Variants in SYCP3 observed in about 807,000 individuals in gnomAD.
SYCP3 encodes synaptonemal complex protein 3.
A neutral mutation model predicts 38.5 loss-of-function variants in SYCP3; 29 were observed. The observed-to-expected ratio is 0.75, with a 90% CI of 0.56 to 1.03. The LOEUF is 1.03. SYCP3 is among the 50% of genes least tolerant of loss of function. The pLI is 0.00. For missense variants in SYCP3, 242 were observed against 270.7 expected (o/e 0.89, Z 0.74); for synonymous variants, 79 against 80.3 (o/e 0.98, Z 0.08).
intron 1 of SYCP3, among the ~76,000 whole-genome samples, chr12:101,738,898 G>A (rs1264048623): frequency 6.6e-6 from 1 of 152,234 alleles, no homozygotes; most frequent in Non-Finnish European, 1.5e-5. Flanking sequence ...AGTCACGCGG[G>A]GAAATTATAG....
At position 101,729,213 on chromosome 12, in the gene SYCP3, T is replaced by A; in HGVS notation, c.553A>T (p.Ser185Cys). 1 of 1,612,566 alleles carries A rather than the reference T, an allele frequency of 6.2e-7. No homozygotes were observed. The highest frequency in any genetic ancestry group is 8.5e-7 in the Non-Finnish European group (1 of 1,179,286). ...TGATTCTTCTCCAACTCTTCCATAC[T>A]CTAAAAACACAAAAGACAAGTTAAG... ...IKQLYEQFIKSMEELEKNHDN... is the reference protein window; with the variant it reads ...IKQLYEQFIKCMEELEKNHDN... The change falls in exon 8 of 9, where the codon AGT (serine) becomes TGT (cysteine). Residue 185 changes from serine (S) to cysteine (C), a missense_variant and splice_region_variant. By Grantham distance (112) the Ser-to-Cys change is moderately radical (BLOSUM62 -1). Transcript: ENST00000392924.
Position 101,734,949 on chromosome 12 carries a change from A to G in SYCP3, c.331T>C (p.Trp111Arg). The G allele has an allele frequency of 6.2e-7, 1 of 1,612,132 alleles. No individual in the cohort carries two copies. The highest frequency in any genetic ancestry group is 8.5e-7 in the Non-Finnish European group (1 of 1,178,316). ...KTSNQKIEHV[W>R]KTQQDQRQKL... Reference sequence around the variant, plus strand: ...TACCTTTGATCTTGTTGTGTTTTCCAAACATGTTCAATTTTCTGGTTACTA... The same window carrying G: ...TACCTTTGATCTTGTTGTGTTTTCCGAACATGTTCAATTTTCTGGTTACTA... Residue 111 changes from tryptophan (W) to arginine (R), a missense_variant, in exon 5 of 9, where the codon TGG (tryptophan) becomes CGG (arginine). Trp to Arg is a moderately radical substitution (Grantham distance 101). Coordinates refer to ENST00000392924, the MANE Select transcript of SYCP3 (RefSeq NM_001177949.2).
chr12:101,732,283 C>G (rs1243107686), intron 6 of SYCP3: 1 of 152,328 alleles, frequency 6.6e-6, no homozygotes, highest in Non-Finnish European at 1.5e-5. Flanking sequence ...CTTTACCATT[C>G]TAACTTACTC....
At chr12:101,731,487 A>G in intron 7 of SYCP3, 81 bp downstream of exon 7, 1 of 985,586 alleles carries the variant, frequency 1.0e-6, no homozygotes, top group Non-Finnish European at 1.4e-6. Context: ...TTTTTCCCAT[A>G]AACTTAGAAA....
At chr12:101,729,435 T>G in intron 7 of SYCP3, 1 of 481,324 alleles carries the variant, frequency 2.1e-6, no homozygotes. Flanking sequence ...TGTAGTATAC[T>G]TTGCCCACAA....
At chr12:101,729,279 C>T (rs757783481) in intron 7 of SYCP3, 66 bp from the exon 8 acceptor site, 26 of 1,457,910 alleles carry the variant, frequency 1.8e-5, no homozygotes, top group Non-Finnish European at 2.2e-5. Context: ...TAAACTTGTA[C>T]AATTAATTTT....
chr12:101,734,818 G>A (rs1566054471), intron 5 of SYCP3, 109 bp downstream of exon 5: 5 of 781,872 alleles, frequency 6.4e-6, no homozygotes, highest in Non-Finnish European at 1.1e-5. Context: ...AAAGTGCTGG[G>A]ATTACTGGCA....
Position 101,733,677 on chromosome 12 carries a change from G to GT in SYCP3, c.354-4dup, listed in dbSNP as rs1952276238. On this transcript the variant is annotated splice_polypyrimidine_tract_variant and splice_region_variant and intron_variant, in intron 5 of 8. Transcript: ENST00000392924. Reference sequence around the variant, plus strand: ...AATATTCTTGGTTAAGCTTCTGCCTGTAAAACATAATGATGAATTATTGTC... The same window carrying GT: ...AATATTCTTGGTTAAGCTTCTGCCTGTTAAAACATAATGATGAATTATTGTC... The GT allele has an allele frequency of 6.2e-7, 1 of 1,608,302 alleles. No homozygotes were observed. Among genetic ancestry groups the GT allele is most frequent in the Non-Finnish European group, 8.5e-7 (1 of 1,179,064 alleles).
At chr12:101,730,647 C>T in intron 7 of SYCP3, 1 of 296,218 alleles carries the variant, frequency 3.4e-6, no homozygotes, top group Non-Finnish European at 6.6e-6. Context: ...GTGAGTGCCA[C>T]CATGCCCAGC....
Position 101,735,012 on chromosome 12 carries a change from T to C in SYCP3, c.268A>G (p.Lys90Glu), listed in dbSNP as rs866554622. The C allele has an allele frequency of 6.2e-7, 1 of 1,613,020 alleles. No individual in the cohort carries two copies. The highest frequency in any genetic ancestry group is 1.3e-5 in the African/African-American group (1 of 74,888). Residue 90 changes from lysine (K) to glutamate (E), a missense_variant, in exon 5 of 9, where the codon AAG becomes GAG. Coordinates refer to ENST00000392924, the MANE Select transcript of SYCP3 (RefSeq NM_001177949.2). ...GCCTTGGTATACATTTCTAGTCTCT[T>C]TCTCTTGGCAAGAAGAGCCTTGTTA... Reference protein sequence around the residue: ...DINKALLAKRKRLEMYTKASL... With the variant: ...DINKALLAKRERLEMYTKASL...
intron 7 of SYCP3, 101 bp from the exon 8 acceptor site, chr12:101,729,314 C>A (rs1952080472): frequency 1.8e-6 from 2 of 1,129,190 alleles, no homozygotes; most frequent in South Asian, 1.4e-5. Flanking sequence ...TTTGAATATT[C>A]AAATGCTCAT....
intron 2 of SYCP3, 158 bp downstream of exon 2, chr12:101,737,645 A>G: frequency 1.1e-6 from 1 of 952,324 alleles, no homozygotes; most frequent in Non-Finnish European, 1.6e-6. Context: ...ACACAAGTAC[A>G]GCTGGCCATC....
Position 101,728,830 on chromosome 12 carries a change from T to C in SYCP3, c.*97A>G. On this transcript the variant is annotated 3_prime_UTR_variant, in exon 9 of 9. Transcript: ENST00000392924. ...GAAACAGGTTTATGATTAAAGATGT[T>C]ACAATTAAACTATTCTAAAGACTTA... The C allele has an allele frequency of 6.4e-7, 1 of 1,555,180 alleles. No individual in the cohort carries two copies. Among genetic ancestry groups the C allele is most frequent in the Non-Finnish European group, 8.8e-7 (1 of 1,134,638 alleles).
intron 1 of SYCP3, among the ~76,000 whole-genome samples, chr12:101,738,667 C>T (rs1173537371): frequency 6.6e-6 from 1 of 151,980 alleles, no homozygotes; most frequent in Non-Finnish European, 1.5e-5. Context: ...ACCCGGGAGG[C>T]GGAGGTTGCA....
rs745951632 is a variant in SYCP3, at chr12:101,737,308, C to T, written c.134-10G>A. On this transcript the variant is annotated splice_polypyrimidine_tract_variant and intron_variant, in intron 2 of 8. Transcript: ENST00000392924. ...ATGACTGCAGTCTTCCCTGTATTGA[C>T]AATTAAAAAAAAAAAAAAAAAGCTT... The T allele has an allele frequency of 2.8e-6, 3 of 1,072,790 alleles. No individual in the cohort carries two copies. Among genetic ancestry groups the T allele is most frequent in the East Asian group, 2.7e-5 (1 of 37,478 alleles). The allele number at this position is 1,072,790 out of a possible 1,614,324, so 66.5% of individuals were successfully genotyped here.
Position 101,728,898 on chromosome 12 carries a change from T to C in SYCP3, c.*29A>G. On this transcript the variant is annotated 3_prime_UTR_variant, in exon 9 of 9. Coordinates refer to ENST00000392924, the MANE Select transcript of SYCP3 (RefSeq NM_001177949.2). ...AACGTTATAATTGTATCATATTACT[T>C]AGGTTCAAGTTCTTTCTTCAAAGAG... 6.2e-7 allele frequency: 1 copy of C among 1,613,358 alleles called. No homozygotes were observed. Among genetic ancestry groups the C allele is most frequent in the South Asian group, 1.1e-5 (1 of 91,042 alleles).
rs1410342682 is a variant in SYCP3 at position 101,729,197 on chromosome 12, T to TC, written c.568dup (p.Glu190GlyfsTer5). The TC allele has an allele frequency of 6.2e-7, 1 of 1,612,906 alleles. No individual in the cohort carries two copies. Among genetic ancestry groups the TC allele is most frequent in the East Asian group, 2.2e-5 (1 of 44,724 alleles). On this transcript the variant is annotated frameshift_variant, in exon 8 of 9. Coordinates refer to ENST00000392924, the MANE Select transcript of SYCP3 (RefSeq NM_001177949.2). LOFTEE classifies it high-confidence loss of function. ...AGTAAGTAGATTATCATGATTCTTC[T>TC]CCAACTCTTCCATACTCTAAAAACA...
chr12:101,729,327 A>C, intron 7 of SYCP3, 114 bp from the exon 8 acceptor site: 12 of 1,051,182 alleles, frequency 1.1e-5, no homozygotes, highest in Non-Finnish European at 1.7e-5. Flanking sequence ...ATGCTCATCT[A>C]TTTGAAATAA....
intron 4 of SYCP3, among the ~76,000 whole-genome samples, chr12:101,735,605 G>A (rs964877733): frequency 2.0e-5 from 3 of 151,808 alleles, no homozygotes; most frequent in African/African-American, 7.3e-5. Context: ...AGGTTGCAGT[G>A]AGCTGAGATT....
Sources: allele counts gnomAD v4.1 joint callset (sites outside exome capture counted in the v4.1 genomes callset), GRCh38; gene constraint gnomAD v4.1.1; transcripts MANE v1.5; gene names NCBI Gene and HGNC (gene_info 2026-07-23, HGNC 2026-07-21).